The following C10orf67 variants were observed in gnomAD, a reference collection of about 807,000 sequenced individuals.
C10orf67 encodes chromosome 10 open reading frame 67, also known as uncharacterized protein C10orf67, mitochondrial.
Under a neutral mutation model 35.6 loss-of-function variants are expected in C10orf67, and 60 were observed. That is an observed-to-expected ratio of 1.68 (90% CI 1.37 to 2.09). C10orf67 has a LOEUF of 2.09. C10orf67 is among the 30% of genes most tolerant of loss of function. C10orf67 has a pLI of 0.00. For missense variants in C10orf67, 474 were observed against 330.2 expected, an observed-to-expected ratio of 1.44 and a Z score of -3.38; for synonymous variants, 167 against 115.8, an observed-to-expected ratio of 1.44 and a Z score of -2.84.
chr10:23,279,218 T>C (rs918709271), intron 8 of C10orf67, among the ~76,000 whole-genome samples: 2 of 152,220 alleles, frequency 1.3e-5, no homozygotes, highest in African/African-American at 2.4e-5. Flanking sequence ...AGGGACCACA[T>C]GGACAGCAGA....
intron 11 of C10orf67, 35 bp downstream of exon 11, chr10:23,250,577 C>T (rs117502252): frequency 0.019 from 7,377 of 398,568 alleles, 105 homozygotes; most frequent in Middle Eastern, 0.064. Flanking sequence ...AACATTATAT[C>T]TCATTACCAG....
At chr10:23,328,993 C>CAAAAAAAAAAAAAAA (rs57772405) in intron 2 of C10orf67, among the ~76,000 whole-genome samples, 13 of 78,730 alleles carry the variant, frequency 1.7e-4, no homozygotes, top group South Asian at 4.7e-4. Flanking sequence ...CATAAACGAA[C>CAAAAAAAAAAAAAAA]AAAAAAAAAA....
intron 15 of C10orf67, among the ~76,000 whole-genome samples, chr10:23,217,976 A>G (rs374314644): frequency 6.6e-6 from 1 of 152,074 alleles, no homozygotes; most frequent in African/African-American, 2.4e-5. Context: ...CATTTCTAAC[A>G]TTTTTCAATC....
At chr10:23,247,316 C>A (rs1020933557) in intron 12 of C10orf67, among the ~76,000 whole-genome samples, 1 of 152,090 alleles carries the variant, frequency 6.6e-6, no homozygotes, top group African/African-American at 2.4e-5. Context: ...TTTTATACCG[C>A]ATTTTCACTG....
chr10:23,318,707 G>A (rs1344606969), intron 4 of C10orf67: 1 of 585,776 alleles, frequency 1.7e-6, no homozygotes, highest in East Asian at 2.8e-5. Flanking sequence ...ATCTGTCCTG[G>A]GATGTTTTCA....
rs963995833 is a variant in C10orf67, at chr10:23,251,354, G to A, written c.1201-663C>T. Reference sequence around the variant, plus strand: ...CTTACTGTGGTCTCTCCATCTCTTCGTCATAGGCAGCAGCTTCCCCCAGTT... The same window carrying A: ...CTTACTGTGGTCTCTCCATCTCTTCATCATAGGCAGCAGCTTCCCCCAGTT... On this transcript the variant is annotated intron_variant, in intron 10 of 15. Coordinates refer to ENST00000636213, the MANE Select transcript of C10orf67 (RefSeq NM_001371909.1). Among the ~76,000 whole-genome samples the A allele has an allele frequency of 9.9e-5, 15 of 152,032 alleles. 1 individual carries two copies. The highest frequency in any genetic ancestry group is 3.1e-4 in the African/African-American group (13 of 41,378).
intron 12 of C10orf67, among the ~76,000 whole-genome samples, chr10:23,241,154 A>G (rs1041489114): frequency 6.6e-6 from 1 of 152,206 alleles, no homozygotes. Context: ...TAGTGACTCA[A>G]TTTTCCCCTT....
At chr10:23,325,537 A>T (rs1322198893) in intron 2 of C10orf67, among the ~76,000 whole-genome samples, 6 of 145,680 alleles carry the variant, frequency 4.1e-5, no homozygotes, top group Non-Finnish European at 7.4e-5. Flanking sequence ...GTGTGCAAAA[A>T]AAAAAAAAAC....
At chr10:23,272,895 T>C (rs1464529525) in intron 8 of C10orf67, among the ~76,000 whole-genome samples, 1 of 152,254 alleles carries the variant, frequency 6.6e-6, no homozygotes, top group African/African-American at 2.4e-5. Context: ...TAACTGTACA[T>C]GTTTTATGCG....
At chr10:23,304,596 C>A (rs373634241) in intron 4 of C10orf67, among the ~76,000 whole-genome samples, 8 of 152,120 alleles carry the variant, frequency 5.3e-5, no homozygotes, top group African/African-American at 9.7e-5. Flanking sequence ...GGAGGCACAC[C>A]TTTCTATGTC....
intron 15 of C10orf67, among the ~76,000 whole-genome samples, chr10:23,212,907 T>C (rs1564455456): frequency 6.6e-6 from 1 of 150,942 alleles, no homozygotes; most frequent in African/African-American, 2.4e-5. Flanking sequence ...TATCAGAACA[T>C]GAATTCACTC....
chr10:23,219,388 C>A (rs1841516015), intron 15 of C10orf67, among the ~76,000 whole-genome samples: 1 of 152,130 alleles, frequency 6.6e-6, no homozygotes, highest in Admixed American at 6.5e-5. Flanking sequence ...ATTACAATGT[C>A]AATAGCACCT....
chr10:23,249,647 A>C (rs935466348), intron 12 of C10orf67, among the ~76,000 whole-genome samples: 2 of 152,252 alleles, frequency 1.3e-5, no homozygotes, highest in African/African-American at 4.8e-5. Context: ...GACAAGATCC[A>C]TAGTGTGTGT....
At chr10:23,253,835 C>G (rs1842530273) in intron 10 of C10orf67, among the ~76,000 whole-genome samples, 1 of 152,056 alleles carries the variant, frequency 6.6e-6, no homozygotes, top group Non-Finnish European at 1.5e-5. Context: ...AAAGACAACA[C>G]TATTATGATG....
intron 5 of C10orf67, among the ~76,000 whole-genome samples, chr10:23,299,344 C>G (rs549816068): frequency 3.0e-4 from 45 of 152,142 alleles, no homozygotes; most frequent in Non-Finnish European, 3.4e-4. Flanking sequence ...GAAAAGGAGG[C>G]GTAATCCTTT....
intron 15 of C10orf67, among the ~76,000 whole-genome samples, chr10:23,218,667 T>G (rs1841498206): frequency 6.6e-6 from 1 of 152,202 alleles, no homozygotes; most frequent in Admixed American, 6.5e-5. Flanking sequence ...GAAAAGTTGG[T>G]GGCAGTGACA....
At chr10:23,303,895 G>C (rs975503068) in intron 4 of C10orf67, among the ~76,000 whole-genome samples, 3 of 152,212 alleles carry the variant, frequency 2.0e-5, no homozygotes, top group Non-Finnish European at 4.4e-5. Context: ...AGACTGAGGA[G>C]GGCTGTTTTG....
chr10:23,322,444 A>G lies in C10orf67; in HGVS notation c.421T>C (p.Phe141Leu). The G allele has an allele frequency of 1.9e-6, 3 of 1,610,200 alleles. No individual in the cohort carries two copies. Among genetic ancestry groups the G allele is most frequent in the Admixed American group, 1.7e-5 (1 of 60,014 alleles). The change falls in exon 3 of 16, where the codon TTC becomes CTC. Residue 141 changes from phenylalanine (F) to leucine (L), a missense_variant. Coordinates refer to ENST00000636213, the MANE Select transcript of C10orf67 (RefSeq NM_001371909.1). The part of the protein sequence containing the change: ...DRLKEESLSL[F>L]TILHDRILEI... ...AGGATCCTGTCATGCAGAATGGTGAAGAGACTCAAAGATTCCTCTTTCAGT... is the reference window on the plus strand; with the variant it reads ...AGGATCCTGTCATGCAGAATGGTGAGGAGACTCAAAGATTCCTCTTTCAGT...
intron 15 of C10orf67, among the ~76,000 whole-genome samples, chr10:23,207,330 G>T (rs1025720211): frequency 6.6e-6 from 1 of 152,168 alleles, no homozygotes; most frequent in Non-Finnish European, 1.5e-5. Context: ...CATTAAAAAT[G>T]ATCACAAATA....
Sources: allele counts gnomAD v4.1 joint callset (sites outside exome capture counted in the v4.1 genomes callset), GRCh38; gene constraint gnomAD v4.1.1; transcripts MANE v1.5; gene names NCBI Gene and HGNC (gene_info 2026-07-23, HGNC 2026-07-21).